Variants in HMCN1 observed in about 807,000 individuals in gnomAD.
The protein encoded by HMCN1 is hemicentin 1.
HMCN1 carries 321 observed loss-of-function variants against 625.9 expected under a neutral mutation model. The ratio of observed to expected loss-of-function variants is 0.51; its 90% CI spans 0.47 to 0.56. The LOEUF is 0.56. Ranked by LOEUF, HMCN1 falls within the 20% of genes least tolerant of loss-of-function variation. HMCN1 has a pLI of 0.00. For synonymous variants in HMCN1, 2,425 were observed against 2,417.6 expected (o/e 1.00, Z -0.09); for missense variants, 6,588 against 6,887.3 (o/e 0.96, Z 1.54).
Position 185,995,004 on chromosome 1 carries a change from C to T in HMCN1, c.3695C>T (p.Thr1232Met), listed in dbSNP as rs146418772. The stretch of plus-strand genomic sequence containing the variant: ...GGAACTTTAAGCATCGACCAAGCCA[C>T]GCCCTCAGATGCTGGCATATATACA... ...PDGTLSIDQA[T>M]PSDAGIYTCV... Residue 1232 changes from threonine (T) to methionine (M), a missense_variant, in exon 24 of 107, where the codon ACG (threonine) becomes ATG (methionine). By Grantham distance (81) the Thr-to-Met change is moderately conservative. Transcript: ENST00000271588. 4.2e-3 allele frequency: 6,739 copies of T among 1,613,802 alleles called. 55 individuals carry two copies. The highest frequency in any genetic ancestry group is 3.9e-3 in the Non-Finnish European group (4,560 of 1,179,808).
intron 2 of HMCN1, among the ~76,000 whole-genome samples, chr1:185,859,393 CTATG>C (rs1449734693): frequency 3.3e-5 from 5 of 151,924 alleles, no homozygotes; most frequent in Non-Finnish European, 7.4e-5. Flanking sequence ...ATAATGTGAA[CTATG>C]TATGTAATTT....
chr1:186,173,464 A>AAC (rs1376005688), intron 102 of HMCN1, among the ~76,000 whole-genome samples: 1 of 151,936 alleles, frequency 6.6e-6, no homozygotes, highest in Non-Finnish European at 1.5e-5. Context: ...AGCATGGTGG[A>AAC]ACCTCATCTC....
intron 10 of HMCN1, 103 bp from the exon 11 acceptor site, chr1:185,933,446 C>T (rs1363765016): frequency 3.6e-6 from 4 of 1,120,816 alleles, no homozygotes; most frequent in Non-Finnish European, 5.3e-6. Flanking sequence ...TGCATCTTTC[C>T]TACTGGATGT....
chr1:185,819,095 G>A (rs1280037021), intron 1 of HMCN1, among the ~76,000 whole-genome samples: 3 of 151,832 alleles, frequency 2.0e-5, no homozygotes, highest in African/African-American at 7.3e-5. Flanking sequence ...AAATTTGCTG[G>A]GTGTGGTGGT....
chr1:185,883,378 C>A (rs774988291), intron 4 of HMCN1, among the ~76,000 whole-genome samples: 1 of 151,996 alleles, frequency 6.6e-6, no homozygotes, highest in African/African-American at 2.4e-5. Flanking sequence ...TTTCAACCAC[C>A]CTTAAAACTT....
At chr1:186,189,380 T>G in intron 106 of HMCN1, 132 bp from the exon 107 acceptor site, 1 of 891,028 alleles carries the variant, frequency 1.1e-6, no homozygotes, top group Non-Finnish European at 1.8e-6. Context: ...GACGACTGAG[T>G]CTTACCGCTT....
Position 186,132,337 on chromosome 1 carries a change from G to A in HMCN1, c.13240G>A (p.Ala4414Thr), listed in dbSNP as rs969015389. The A allele has an allele frequency of 3.7e-6, 6 of 1,612,310 alleles. No individual in the cohort carries two copies. The highest frequency in any genetic ancestry group is 3.3e-5 in the Admixed American group (2 of 59,830). ...LAIYGTVNED[A>T]GDYTCVATNE... Reference sequence around the variant, plus strand: ...CTGCTTATTTCCATAGAATGAAGATGCCGGTGACTATACATGTGTAGCTAC... The same window carrying A: ...CTGCTTATTTCCATAGAATGAAGATACCGGTGACTATACATGTGTAGCTAC... The change falls in exon 86 of 107, where the codon GCC becomes ACC. Residue 4414 changes from alanine to threonine, a missense_variant. Transcript: ENST00000271588.
At chr1:185,753,148 T>G (rs1327591780) in intron 1 of HMCN1, among the ~76,000 whole-genome samples, 2 of 152,098 alleles carry the variant, frequency 1.3e-5, no homozygotes, top group East Asian at 3.8e-4. Context: ...AACAAGCAAC[T>G]CTTACCCAAC....
chr1:185,902,169 T>C (rs750798141), intron 4 of HMCN1, among the ~76,000 whole-genome samples: 3 of 151,730 alleles, frequency 2.0e-5, no homozygotes, highest in Non-Finnish European at 3.0e-5. Context: ...GAGGAATCCT[T>C]TGCAGTGTGA....
intron 97 of HMCN1, among the ~76,000 whole-genome samples, chr1:186,160,913 G>C (rs1318524757): frequency 6.6e-6 from 1 of 151,698 alleles, no homozygotes; most frequent in Non-Finnish European, 1.5e-5. Context: ...TTGGGGTGGA[G>C]AGTTCTGTAG....
At position 185,818,007 on chromosome 1, in the gene HMCN1, G is replaced by C. The variant is rs116798203; in HGVS notation, c.269-28019G>C. 3.8e-3 allele frequency among the ~76,000 whole-genome samples: 577 copies of C among 152,026 alleles called. 5 individuals carry two copies. Among genetic ancestry groups the C allele is most frequent in the African/African-American group, 0.013 (547 of 41,452 alleles). On this transcript the variant is annotated intron_variant, in intron 1 of 106. Coordinates refer to ENST00000271588, the MANE Select transcript of HMCN1 (RefSeq NM_031935.3). ...CACCAACTGTCCATCTCCTGCATTTGGCTAAGCCCAACTCCTTCTTCAAAA... is the reference window on the plus strand; with the variant it reads ...CACCAACTGTCCATCTCCTGCATTTCGCTAAGCCCAACTCCTTCTTCAAAA...
intron 2 of HMCN1, among the ~76,000 whole-genome samples, chr1:185,853,096 A>G (rs1662260270): frequency 6.6e-6 from 1 of 152,112 alleles, no homozygotes; most frequent in Non-Finnish European, 1.5e-5. Flanking sequence ...TGATCTAATC[A>G]AGTTAACATA....
At chr1:185,976,876 G>A (rs989164918) in intron 15 of HMCN1, among the ~76,000 whole-genome samples, 2 of 152,042 alleles carry the variant, frequency 1.3e-5, no homozygotes, top group African/African-American at 2.4e-5. Context: ...TCCTATATGA[G>A]CAGGTTTCAT....
At chr1:185,789,212 A>G (rs1021517868) in intron 1 of HMCN1, among the ~76,000 whole-genome samples, 3 of 152,138 alleles carry the variant, frequency 2.0e-5, no homozygotes, top group Admixed American at 6.5e-5. Flanking sequence ...TAGCTTTGGC[A>G]GTTGGGTGAA....
chr1:185,874,595 G>C (rs1663817110), intron 4 of HMCN1, among the ~76,000 whole-genome samples: 1 of 151,956 alleles, frequency 6.6e-6, no homozygotes, highest in African/African-American at 2.4e-5. Context: ...ATTTGGCTTT[G>C]TGACAAAAAT....
At chr1:186,000,559 A>ATGTGTG (rs68110596) in intron 26 of HMCN1, among the ~76,000 whole-genome samples, 2,292 of 144,714 alleles carry the variant, frequency 0.016, 37 homozygotes, top group African/African-American at 0.036. Context: ...GTGTGTGTGT[A>ATGTGTG]TGTGTGTGTG....
At chr1:186,031,760 TCTTCCAC>T (rs1655453863) in intron 36 of HMCN1, among the ~76,000 whole-genome samples, 1 of 152,138 alleles carries the variant, frequency 6.6e-6, no homozygotes, top group Non-Finnish European at 1.5e-5. Context: ...ATTTGTTTCT[TCTTCCAC>T]CTTCCAGCTT....
intron 32 of HMCN1, 96 bp downstream of exon 32, chr1:186,016,335 T>TA (rs1299390448): frequency 5.9e-6 from 7 of 1,193,878 alleles, no homozygotes; most frequent in Non-Finnish European, 8.4e-6. Flanking sequence ...TAAAACAATC[T>TA]AAAAGAAGGT....
Position 185,909,350 on chromosome 1 carries a change from T to TA in HMCN1, c.636dup (p.Glu213ArgfsTer29). 1 of 1,611,646 alleles carries TA rather than the reference T, an allele frequency of 6.2e-7. No homozygotes were observed. Among genetic ancestry groups the TA allele is most frequent in the Non-Finnish European group, 8.5e-7 (1 of 1,177,936 alleles). On this transcript the variant is annotated frameshift_variant, in exon 5 of 107. Coordinates refer to ENST00000271588, the MANE Select transcript of HMCN1 (RefSeq NM_031935.3). LOFTEE classifies it high-confidence loss of function. ...TCTCTCTTATAGGTATTAAAATGGG[T>TA]AGAAGAAGCAGTACAGGCCTCCAAA...
Sources: allele counts gnomAD v4.1 joint callset (sites outside exome capture counted in the v4.1 genomes callset), GRCh38; gene constraint gnomAD v4.1.1; transcripts MANE v1.5; gene names NCBI Gene and HGNC (gene_info 2026-07-23, HGNC 2026-07-21).